Variants in NRCAM observed in about 807,000 individuals in gnomAD.
The protein encoded by NRCAM is NgCAM-related cell adhesion molecule.
A neutral mutation model predicts 156.5 loss-of-function variants in NRCAM; 83 were observed. The observed-to-expected ratio is 0.53, with a 90% confidence interval of 0.44 to 0.64. The LOEUF is 0.64. NRCAM is among the 30% of genes least tolerant of loss of function. NRCAM has a pLI of 0.00. For synonymous variants in NRCAM, 538 were observed against 563.9 expected (o/e 0.95, Z 0.65); for missense variants, 1,417 against 1,597.3 (o/e 0.89, Z 1.92).
intron 28 of NRCAM, among the ~76,000 whole-genome samples, chr7:108,173,776 A>C (rs2059435441): frequency 6.6e-6 from 1 of 152,178 alleles, no homozygotes. Flanking sequence ...CTCTCTAATC[A>C]TAAGTAGCTC....
At chr7:108,424,302 T>C (rs1223142028) in intron 1 of NRCAM, among the ~76,000 whole-genome samples, 1 of 152,168 alleles carries the variant, frequency 6.6e-6, no homozygotes. Context: ...GTGAAATAAC[T>C]GAGAAGGTAG....
chr7:108,455,354 T>C (rs1267637975), intron 1 of NRCAM, among the ~76,000 whole-genome samples: 1 of 152,042 alleles, frequency 6.6e-6, no homozygotes, highest in Non-Finnish European at 1.5e-5. Flanking sequence ...AGATGGATGC[T>C]CCAGGGCGGG....
intron 3 of NRCAM, among the ~76,000 whole-genome samples, chr7:108,299,113 A>AGAAAAGAAAAGAAAAG (rs1365521824): frequency 2.2e-5 from 2 of 90,478 alleles, no homozygotes; most frequent in African/African-American, 8.9e-5. Flanking sequence ...CTCAAAAAAA[A>AGAAAAGAAAAGAAAAG]AAAAGAAAGA....
At position 108,244,011 on chromosome 7, in the gene NRCAM, G is replaced by A. The variant is rs996724755; in HGVS notation, c.-106-3841C>T. ...AGAAAACCCTACAGTTTTGACAAAG[G>A]ATTCACATCAAGCCTGAGAGAAACA... On this transcript the variant is annotated intron_variant, in intron 3 of 32. Coordinates refer to ENST00000379028, the MANE Select transcript of NRCAM (RefSeq NM_001037132.4). Among the ~76,000 whole-genome samples, 3 of 152,200 alleles carry A rather than the reference G, an allele frequency of 2.0e-5. No individual in the cohort carries two copies. In the East Asian group the frequency reaches 5.8e-4, roughly 29 times the overall value.
At chr7:108,214,630 C>A (rs1166887778) in intron 11 of NRCAM, among the ~76,000 whole-genome samples, 1 of 152,024 alleles carries the variant, frequency 6.6e-6, no homozygotes, top group East Asian at 1.9e-4. Flanking sequence ...TTAGTTATTT[C>A]TTGTTTTCTG....
intron 17 of NRCAM, 71 bp downstream of exon 17, chr7:108,193,953 T>C (rs984623760): frequency 1.1e-5 from 16 of 1,471,500 alleles, no homozygotes; most frequent in Admixed American, 5.3e-5. Flanking sequence ...ATTGACTACA[T>C]AGTAGACCTT....
intron 2 of NRCAM, 69 bp downstream of exon 2, chr7:108,399,367 G>A (rs2099785493): frequency 6.6e-6 from 1 of 152,106 alleles, no homozygotes; most frequent in East Asian, 1.9e-4. Flanking sequence ...TACTTTCCAA[G>A]TAGATTTTGG....
At chr7:108,424,320 G>C (rs563578385) in intron 1 of NRCAM, among the ~76,000 whole-genome samples, 1 of 152,200 alleles carries the variant, frequency 6.6e-6, no homozygotes, top group Non-Finnish European at 1.5e-5. Context: ...TAGCCATTCT[G>C]TTCAGTAAGA....
chr7:108,235,476 AGG>A (rs2094854267), intron 5 of NRCAM, among the ~76,000 whole-genome samples: 2 of 152,198 alleles, frequency 1.3e-5, no homozygotes, highest in Non-Finnish European at 2.9e-5. Flanking sequence ...GTGTTATGAC[AGG>A]AAGTGACTAA....
At chr7:108,312,166 A>G (rs1401736493) in intron 3 of NRCAM, among the ~76,000 whole-genome samples, 2 of 152,184 alleles carry the variant, frequency 1.3e-5, no homozygotes, top group African/African-American at 2.4e-5. Flanking sequence ...CAGAAATCAC[A>G]TTTCAAAGTA....
intron 1 of NRCAM, among the ~76,000 whole-genome samples, chr7:108,435,081 G>A (rs1830459743): frequency 6.6e-6 from 1 of 150,380 alleles, no homozygotes; most frequent in African/African-American, 2.4e-5. Context: ...GTCCTAAACA[G>A]ACTTAGCAGA....
At chr7:108,156,537 G>T in intron 32 of NRCAM, 1 of 332,438 alleles carries the variant, frequency 3.0e-6, no homozygotes, top group Non-Finnish European at 4.3e-6. Context: ...AGGGGCACAG[G>T]GTTATAGCAT....
At chr7:108,433,117 C>G (rs1411455377) in intron 1 of NRCAM, among the ~76,000 whole-genome samples, 1 of 152,106 alleles carries the variant, frequency 6.6e-6, no homozygotes, top group African/African-American at 2.4e-5. Flanking sequence ...CTCTTTGTTC[C>G]CACCCATCCC....
chr7:108,160,816 C>T (rs948037599), intron 30 of NRCAM, among the ~76,000 whole-genome samples: 6 of 152,152 alleles, frequency 3.9e-5, no homozygotes, highest in Admixed American at 6.5e-5. Context: ...AAAGTATTCA[C>T]TGTTAACAGG....
intron 1 of NRCAM, among the ~76,000 whole-genome samples, chr7:108,430,331 C>T (rs1823364794): frequency 6.6e-6 from 1 of 152,084 alleles, no homozygotes; most frequent in Non-Finnish European, 1.5e-5. Context: ...CTCACAATAT[C>T]CAGGCATGAG....
At chr7:108,451,958 T>C (rs1186973940) in intron 1 of NRCAM, among the ~76,000 whole-genome samples, 1 of 152,234 alleles carries the variant, frequency 6.6e-6, no homozygotes, top group African/African-American at 2.4e-5. Context: ...TTATGTCATA[T>C]ATATTTTACA....
chr7:108,292,325 C>G (rs375893935), intron 3 of NRCAM, among the ~76,000 whole-genome samples: 6 of 152,194 alleles, frequency 3.9e-5, no homozygotes, highest in Admixed American at 2.6e-4. Context: ...TTATTCTGGT[C>G]CTTTTATGTA....
intron 2 of NRCAM, among the ~76,000 whole-genome samples, chr7:108,345,890 A>C (rs757859301): frequency 1.3e-5 from 2 of 152,222 alleles, no homozygotes; most frequent in Non-Finnish European, 2.9e-5. Flanking sequence ...GGCCTAGAAC[A>C]ATGGGTGTCT....
At chr7:108,412,909 T>C (rs1484121348) in intron 1 of NRCAM, among the ~76,000 whole-genome samples, 1 of 152,232 alleles carries the variant, frequency 6.6e-6, no homozygotes, top group East Asian at 1.9e-4. Context: ...AGTATTCTAT[T>C]GTATATATAG....
Sources: allele counts gnomAD v4.1 joint callset (sites outside exome capture counted in the v4.1 genomes callset), GRCh38; gene constraint gnomAD v4.1.1; transcripts MANE v1.5; gene names NCBI Gene and HGNC (gene_info 2026-07-23, HGNC 2026-07-21).